The following HPR variants were observed in gnomAD, a reference collection of about 807,000 sequenced individuals.
HPR encodes Haptoglobin-related locus.
HPR carries 17 observed loss-of-function variants against 18.5 expected under a neutral mutation model. That is an observed-to-expected ratio of 0.92 (90% CI 0.63 to 1.38). The LOEUF is 1.38. Among genes scored for constraint, HPR ranks in the 40% most tolerant of loss-of-function variants. The probability of loss-of-function intolerance (pLI) is 0.00; values close to 1 mark genes in which losing one functional copy is unlikely to be tolerated. For missense variants in HPR, 457 were observed against 432.4 expected, an observed-to-expected ratio of 1.06 and a Z score of -0.51; for synonymous variants, 176 against 165.0, an observed-to-expected ratio of 1.07 and a Z score of -0.51.
At chr16:72,069,111 C>G (rs781427664) in intron 1 of HPR, among the ~76,000 whole-genome samples, 1 of 152,206 alleles carries the variant, frequency 6.6e-6, no homozygotes, top group East Asian at 1.9e-4. Context: ...AACTTGTGAA[C>G]TGTTTGCACT....
intron 1 of HPR, among the ~76,000 whole-genome samples, chr16:72,073,476 A>C (rs139445047): frequency 6.6e-6 from 1 of 152,142 alleles, no homozygotes; most frequent in Admixed American, 6.5e-5. Context: ...TCTACATTTT[A>C]TTAGAAGTAT....
rs147899609 is a variant in HPR, at chr16:72,076,738, C to A, written c.704C>A (p.Thr235Asn). 12,856 of 1,614,184 alleles carry A rather than the reference C, an allele frequency of 8.0e-3. 73 individuals carry two copies. Among genetic ancestry groups the A allele is most frequent in the Non-Finnish European group, 9.6e-3 (11,323 of 1,180,036 alleles). ...GWGQSDNFKL[T>N]DHLKYVMLPV... ...GGACAAAGTGACAACTTTAAACTTA[C>A]TGACCATCTGAAGTATGTCATGCTG... Residue 235 changes from threonine to asparagine, a missense_variant, in exon 5 of 5, where the codon ACT (threonine) becomes AAT (asparagine). Transcript: ENST00000540303.
chr16:72,076,559 T>C lies in HPR; in HGVS notation c.525T>C (p.Ile175=), dbSNP rs765441664. 3.7e-6 allele frequency: 6 copies of C among 1,614,190 alleles called. No individual in the cohort carries two copies. The highest frequency in any genetic ancestry group is 1.1e-5 in the South Asian group (1 of 91,076). The part of the protein sequence containing the change: ...LYVGKKQLVE[I]EKVVLHPNYH... ...TGGGGAAAAAGCAGCTTGTAGAGAT[T>C]GAGAAGGTGGTTCTACACCCTAACT... Residue 175 remains isoleucine, a synonymous_variant, in exon 5 of 5, where the codon ATT becomes ATC. Transcript: ENST00000540303.
intron 3 of HPR, among the ~76,000 whole-genome samples, 189 bp from the exon 4 acceptor site, chr16:72,074,956 T>C (rs894232053): frequency 7.9e-5 from 12 of 152,236 alleles, no homozygotes; most frequent in African/African-American, 1.9e-4. Context: ...GCTTAACTGG[T>C]GTCCAGGCAC....
intron 3 of HPR, 49 bp downstream of exon 3, chr16:72,074,434 G>T: frequency 6.9e-7 from 1 of 1,458,560 alleles, no homozygotes. Context: ...CCCCTGCTCT[G>T]ACATTTCCAT....
intron 1 of HPR, among the ~76,000 whole-genome samples, chr16:72,068,609 C>T (rs2144064968): frequency 6.6e-6 from 1 of 152,268 alleles, no homozygotes. Context: ...AATGGGGTGG[C>T]TTTAGGGGTG....
rs143402645 is a variant in HPR, at chr16:72,065,550, G to C, written c.5+2290G>C. Among the ~76,000 whole-genome samples the C allele has an allele frequency of 3.8e-3, 571 of 152,262 alleles. 2 individuals carry two copies. Among genetic ancestry groups the C allele is most frequent in the Middle Eastern group, 0.01 (3 of 294 alleles). The stretch of plus-strand genomic sequence containing the variant: ...TGTTAAAATACTGGAAAGATAATGA[G>C]AGGACTAAGCATAAGAAGAAGGAGC... On this transcript the variant is annotated intron_variant, in intron 1 of 4. Transcript: ENST00000540303.
intron 1 of HPR, among the ~76,000 whole-genome samples, chr16:72,073,137 CA>C (rs2041675076): frequency 6.6e-6 from 1 of 152,146 alleles, no homozygotes; most frequent in Non-Finnish European, 1.5e-5. Context: ...TCAAGTTAGC[CA>C]ACCGGGTTCA....
chr16:72,073,003 T>A (rs555359122), intron 1 of HPR, among the ~76,000 whole-genome samples: 4 of 152,286 alleles, frequency 2.6e-5, no homozygotes, highest in South Asian at 4.2e-4. Flanking sequence ...CCAGTCGTTA[T>A]CTATAGAGCC....
Position 72,076,910 on chromosome 16 carries a change from C to T in HPR, c.876C>T (p.Thr292=). The change falls in exon 5 of 5, where the codon ACC becomes ACT. Residue 292 remains threonine, a synonymous_variant. Transcript: ENST00000540303. ...CVGMSKYQED[T]CYGDAGSAFA... ...GCATGTCTAAGTACCAGGAAGACAC[C>T]TGCTATGGCGATGCGGGCAGTGCCT... The T allele has an allele frequency of 6.2e-7, 1 of 1,614,228 alleles. No individual in the cohort carries two copies. The highest frequency in any genetic ancestry group is 2.2e-5 in the East Asian group (1 of 44,884).
At chr16:72,064,065 T>C (rs2041572122) in intron 1 of HPR, among the ~76,000 whole-genome samples, 1 of 152,096 alleles carries the variant, frequency 6.6e-6, no homozygotes, top group Non-Finnish European at 1.5e-5. Context: ...TAGAAGCAAA[T>C]AGTGCCTGAA....
In HPR at chr16:72,073,936, T is replaced by C. The variant is rs1225125177; in HGVS notation, c.50T>C (p.Leu17Pro). 1 of 1,614,062 alleles carries C rather than the reference T, an allele frequency of 6.2e-7. No homozygotes were observed. The highest frequency in any genetic ancestry group is 1.7e-5 in the Admixed American group (1 of 60,014). The change falls in exon 2 of 5, where the codon CTT becomes CCT. Residue 17 changes from leucine (L) to proline (P), a missense_variant. Transcript: ENST00000540303. ...TCCCTCCTGCTCTGGGGACGACAGC[T>C]TTTTGCACTGTACTCAGGCAATGAT... Reference protein sequence around the residue: ...VISLLLWGRQLFALYSGNDVT... With the variant: ...VISLLLWGRQPFALYSGNDVT...
intron 1 of HPR, among the ~76,000 whole-genome samples, chr16:72,070,486 CA>C (rs1268435012): frequency 2.0e-4 from 31 of 152,170 alleles, no homozygotes; most frequent in Non-Finnish European, 3.7e-4. Flanking sequence ...ACTAAGACTG[CA>C]GTCCGAACAG....
chr16:72,074,094 C>T (rs1446524807), intron 2 of HPR, 117 bp downstream of exon 2: 2 of 1,439,708 alleles, frequency 1.4e-6, no homozygotes, highest in Non-Finnish European at 1.9e-6. Context: ...TTATCCTGAC[C>T]TCTGGGCTTT....
chr16:72,072,259 C>T (rs1224576461), intron 1 of HPR, among the ~76,000 whole-genome samples: 1 of 152,166 alleles, frequency 6.6e-6, no homozygotes, highest in African/African-American at 2.4e-5. Context: ...CTGCCTGCCT[C>T]GGCCTCCCAA....
At chr16:72,064,408 T>C (rs576759640) in intron 1 of HPR, among the ~76,000 whole-genome samples, 13 of 152,276 alleles carry the variant, frequency 8.5e-5, no homozygotes, top group African/African-American at 3.1e-4. Flanking sequence ...TGCCAGTCCT[T>C]ACCCATACAG....
intron 1 of HPR, among the ~76,000 whole-genome samples, chr16:72,068,904 A>T (rs1208414027): frequency 1.3e-5 from 2 of 152,190 alleles, no homozygotes; most frequent in Admixed American, 6.5e-5. Flanking sequence ...ACCTATGTCT[A>T]GATTTAATTG....
chr16:72,076,753 A>T lies in HPR; in HGVS notation c.719A>T (p.Tyr240Phe). The change falls in exon 5 of 5, where the codon TAT (tyrosine) becomes TTT (phenylalanine). Residue 240 changes from tyrosine to phenylalanine, a missense_variant. Physicochemically the swap from Tyr to Phe is conservative, Grantham distance 22. Transcript: ENST00000540303. Reference protein sequence around the residue: ...DNFKLTDHLKYVMLPVADQYD... With the variant: ...DNFKLTDHLKFVMLPVADQYD... ...TTTAAACTTACTGACCATCTGAAGT[A>T]TGTCATGCTGCCTGTGGCTGACCAA... is the stretch of plus-strand genomic sequence containing the variant. 3 of 1,614,238 alleles carry T rather than the reference A, an allele frequency of 1.9e-6. No homozygotes were observed. The highest frequency in any genetic ancestry group is 1.7e-6 in the Non-Finnish European group (2 of 1,180,036).
chr16:72,065,219 G>C (rs1039634888), intron 1 of HPR, among the ~76,000 whole-genome samples: 1 of 152,140 alleles, frequency 6.6e-6, no homozygotes, highest in African/African-American at 2.4e-5. Flanking sequence ...TTCCTAGGAG[G>C]AAAGTGGCCA....
Sources: allele counts gnomAD v4.1 joint callset (sites outside exome capture counted in the v4.1 genomes callset), GRCh38; gene constraint gnomAD v4.1.1; transcripts MANE v1.5; gene names NCBI Gene and HGNC (gene_info 2026-07-23, HGNC 2026-07-21).